UBE3A: variants seen among roughly 807,000 people sequenced by gnomAD.
UBE3A encodes the protein ubiquitin-protein ligase E3A.
In UBE3A, 6 loss-of-function variants were observed where a neutral mutation model predicts 83.4. The ratio of observed to expected loss-of-function variants is 0.07; its 90% CI spans 0.04 to 0.14. UBE3A has a LOEUF of 0.14. UBE3A is among the 10% of genes least tolerant of loss of function. The probability of loss-of-function intolerance (pLI) is 1.00; values close to 1 mark genes in which losing one functional copy is unlikely to be tolerated. For missense variants in UBE3A, 456 were observed against 1,036.1 expected, an observed-to-expected ratio of 0.44 and a Z score of 7.69; for synonymous variants, 337 against 355.4, an observed-to-expected ratio of 0.95 and a Z score of 0.58.
At chr15:25,413,396 AC>A (rs1210542197) in intron 1 of UBE3A, among the ~76,000 whole-genome samples, 1 of 151,964 alleles carries the variant, frequency 6.6e-6, no homozygotes, top group Non-Finnish European at 1.5e-5. Context: ...TTATTATAAC[AC>A]CCAACACTTC....
chr15:25,366,246 AGTGTAT>A (rs1457207167), intron 6 of UBE3A, among the ~76,000 whole-genome samples: 1 of 152,228 alleles, frequency 6.6e-6, no homozygotes, highest in Non-Finnish European at 1.5e-5. Flanking sequence ...ACCACAATAT[AGTGTAT>A]GTGTAAGACA....
chr15:25,425,089 G>T (rs989794198), intron 1 of UBE3A, among the ~76,000 whole-genome samples: 1 of 152,060 alleles, frequency 6.6e-6, no homozygotes, highest in Non-Finnish European at 1.5e-5. Context: ...CACATTTCCT[G>T]GTTTCAAGAC....
chr15:25,382,839 T>G (rs75004194), intron 4 of UBE3A, among the ~76,000 whole-genome samples: 2 of 151,670 alleles, frequency 1.3e-5, no homozygotes, highest in Admixed American at 6.6e-5. Flanking sequence ...CCAAAAAAAT[T>G]TGATAACCTT....
At chr15:25,404,106 T>C (rs11855777) in intron 4 of UBE3A, among the ~76,000 whole-genome samples, 6,995 of 152,310 alleles carry the variant, frequency 0.046, 205 homozygotes, top group African/African-American at 0.064. Flanking sequence ...TGTATTTTAC[T>C]ACAATTTTTT....
chr15:25,338,335 G>GAACAAAAAT lies in UBE3A; in HGVS notation c.*793_*801dup, dbSNP rs1262542289. 3 of 149,700 alleles carry GAACAAAAAT rather than the reference G, an allele frequency of 2.0e-5. No homozygotes were observed. The highest frequency in any genetic ancestry group is 4.4e-5 in the Non-Finnish European group (3 of 67,924). The allele number at this position is 149,700 out of a possible 1,614,324, so 9.3% of individuals were successfully genotyped here. A position where few individuals can be genotyped will look rare whatever the true frequency, so the allele number is the denominator to read the frequency against. ...CTTAAAACAACAACGAGAACAACAA[G>GAACAAAAAT]AACAAAAATCCCTGTCCTTTCATAT... On this transcript the variant is annotated 3_prime_UTR_variant, in exon 13 of 13. Transcript: ENST00000648336.
rs539294007 is a variant in UBE3A, at chr15:25,337,235, G to C, written c.*1902C>G. 3.3e-5 allele frequency: 5 copies of C among 152,236 alleles called. 1 individual carries two copies. The South Asian group carries it at 6.2e-4, about 19-fold the overall frequency. 9.4% of individuals were successfully genotyped at this position (152,236 alleles called of 1,614,324 possible). ...ACCATAATAATAAAACTTGAGAACT[G>C]AAGAGCACACATTTCTTCACGAATT... On this transcript the variant is annotated 3_prime_UTR_variant, in exon 13 of 13. Coordinates refer to ENST00000648336, the MANE Select transcript of UBE3A (RefSeq NM_130839.5).
Position 25,438,677 on chromosome 15 carries a change from G to A in UBE3A, c.-353C>T, listed in dbSNP as rs1895918563. On this transcript the variant is annotated 5_prime_UTR_variant, in exon 1 of 13. Coordinates refer to ENST00000648336, the MANE Select transcript of UBE3A (RefSeq NM_130839.5). ...GGAGCGCCGGGGCCGCCGAAATCCC[G>A]GCGTTCGTCGCCAGCCGCCGCTGCC... 1 of 152,598 alleles carries A rather than the reference G, an allele frequency of 6.6e-6. No homozygotes were observed. The highest frequency in any genetic ancestry group is 1.5e-5 in the Non-Finnish European group (1 of 68,308). The allele number at this position is 152,598 out of a possible 1,614,324, so 9.5% of individuals were successfully genotyped here.
At chr15:25,425,449 T>C (rs1891054374) in intron 1 of UBE3A, among the ~76,000 whole-genome samples, 1 of 152,178 alleles carries the variant, frequency 6.6e-6, no homozygotes, top group South Asian at 2.1e-4. Context: ...GTGAATTATC[T>C]CAATAAAGCT....
intron 1 of UBE3A, among the ~76,000 whole-genome samples, chr15:25,415,449 T>G (rs1213559231): frequency 6.6e-6 from 1 of 152,306 alleles, no homozygotes; most frequent in East Asian, 1.9e-4. Flanking sequence ...TTGGCTATAA[T>G]GTACTGGATA....
At chr15:25,354,176 A>C (rs1427347657) in intron 11 of UBE3A, 177 bp downstream of exon 11, 5 of 648,970 alleles carry the variant, frequency 7.7e-6, no homozygotes, top group Non-Finnish European at 1.4e-5. Context: ...TCATGAAATA[A>C]ATCACAAGAT....
intron 4 of UBE3A, among the ~76,000 whole-genome samples, chr15:25,398,806 T>TAAATAC (rs1437184187): frequency 3.0e-5 from 2 of 66,036 alleles, no homozygotes; most frequent in Non-Finnish European, 6.3e-5. Context: ...TATATATATA[T>TAAATAC]ATATATATAA....
At chr15:25,356,401 AT>A (rs979234230) in intron 8 of UBE3A, among the ~76,000 whole-genome samples, 4 of 152,158 alleles carry the variant, frequency 2.6e-5, no homozygotes, top group Non-Finnish European at 5.9e-5. Flanking sequence ...GGCTACTCTG[AT>A]TTTTACCTAT....
At chr15:25,403,516 AC>A (rs1206518404) in intron 4 of UBE3A, among the ~76,000 whole-genome samples, 2 of 152,194 alleles carry the variant, frequency 1.3e-5, no homozygotes, top group Non-Finnish European at 2.9e-5. Flanking sequence ...AGTGGTAGAA[AC>A]GCAAATAGGT....
chr15:25,355,543 A>C (rs1187441292), intron 9 of UBE3A, among the ~76,000 whole-genome samples: 1 of 152,168 alleles, frequency 6.6e-6, no homozygotes, highest in Non-Finnish European at 1.5e-5. Flanking sequence ...GTGTAAATTA[A>C]ATGTAATTTT....
At chr15:25,354,727 G>A in intron 9 of UBE3A, 44 bp from the exon 10 acceptor site, 2 of 1,565,542 alleles carry the variant, frequency 1.3e-6, no homozygotes, top group South Asian at 2.2e-5. Flanking sequence ...AATATGCTAT[G>A]CAAACAAAAC....
intron 11 of UBE3A, among the ~76,000 whole-genome samples, chr15:25,344,393 G>A (rs2075340738): frequency 6.6e-6 from 1 of 152,022 alleles, no homozygotes; most frequent in Non-Finnish European, 1.5e-5. Flanking sequence ...CAAAAGCAAA[G>A]GCCATACTTT....
rs2073938728 is a variant in UBE3A at position 25,335,884 on chromosome 15, A to G, written c.*3253T>C. 6.6e-6 allele frequency: 1 copy of G among 152,232 alleles called. No homozygotes were observed. The highest frequency in any genetic ancestry group is 2.4e-5 in the African/African-American group (1 of 41,440). The allele number at this position is 152,232 out of a possible 1,614,324, so 9.4% of individuals were successfully genotyped here. A position where few individuals can be genotyped will look rare whatever the true frequency, so the allele number is the denominator to read the frequency against. On this transcript the variant is annotated 3_prime_UTR_variant, in exon 13 of 13. Coordinates refer to ENST00000648336, the MANE Select transcript of UBE3A (RefSeq NM_130839.5). ...GGTAAACTGGGATGGAAAAACAAGTAGCCAGAGAAGCAACAGCCCAAGCTA... is the reference window on the plus strand; with the variant it reads ...GGTAAACTGGGATGGAAAAACAAGTGGCCAGAGAAGCAACAGCCCAAGCTA...
intron 11 of UBE3A, chr15:25,346,501 C>A (rs935728851): frequency 6.6e-6 from 1 of 152,230 alleles, no homozygotes; most frequent in South Asian, 2.1e-4. Flanking sequence ...AATTATCTGT[C>A]ATACCAAGAA....
At chr15:25,427,705 C>A (rs1015463998) in intron 1 of UBE3A, among the ~76,000 whole-genome samples, 1 of 140,866 alleles carries the variant, frequency 7.1e-6, no homozygotes, top group Non-Finnish European at 1.5e-5. Flanking sequence ...GCAAGACTAT[C>A]GCTTGAGGCC....
Sources: allele counts gnomAD v4.1 joint callset (sites outside exome capture counted in the v4.1 genomes callset), GRCh38; gene constraint gnomAD v4.1.1; transcripts MANE v1.5; gene names NCBI Gene and HGNC (gene_info 2026-07-23, HGNC 2026-07-21).